The following SHOC2 variants were observed in gnomAD, a reference collection of about 807,000 sequenced individuals.
SHOC2 encodes SHOC2 leucine rich repeat scaffold protein, also known as leucine-rich repeat protein SHOC-2.
A neutral mutation model predicts 50.2 loss-of-function variants in SHOC2; 4 were observed. The ratio of observed to expected loss-of-function variants is 0.08; its 90% CI spans 0.04 to 0.18. The LOEUF (loss-of-function observed/expected upper bound fraction) is 0.18. SHOC2 is among the 10% of genes least tolerant of loss of function. The probability of loss-of-function intolerance (pLI) is 1.00; values close to 1 mark genes in which losing one functional copy is unlikely to be tolerated. For missense variants in SHOC2, 388 were observed against 669.6 expected, an observed-to-expected ratio of 0.58 and a Z score of 4.64; for synonymous variants, 218 against 244.5, an observed-to-expected ratio of 0.89 and a Z score of 1.01.
At chr10:110,950,712 T>A (rs952999017) in intron 1 of SHOC2, among the ~76,000 whole-genome samples, 1 of 152,136 alleles carries the variant, frequency 6.6e-6, no homozygotes, top group African/African-American at 2.4e-5. Context: ...TTATACCATG[T>A]GTACAATCAG....
intron 1 of SHOC2, among the ~76,000 whole-genome samples, chr10:110,961,035 C>A (rs971873375): frequency 2.0e-5 from 3 of 152,118 alleles, no homozygotes; most frequent in Non-Finnish European, 4.4e-5. Flanking sequence ...AGGGAGCTAA[C>A]ATATCAAGTG....
chr10:110,937,070 A>G, intron 1 of SHOC2: 2 of 1,478,808 alleles, frequency 1.4e-6, no homozygotes, highest in Non-Finnish European at 1.9e-6. Context: ...GAGGAAAGCC[A>G]AGTACTTCAA....
chr10:110,929,931 C>T (rs144833132), intron 1 of SHOC2, among the ~76,000 whole-genome samples: 94 of 152,226 alleles, frequency 6.2e-4, no homozygotes, highest in African/African-American at 2.2e-3. Context: ...AATAAAGTAT[C>T]CCTTTATGTA....
intron 3 of SHOC2, among the ~76,000 whole-genome samples, chr10:110,987,907 A>G (rs548476332): frequency 9.2e-5 from 14 of 152,296 alleles, no homozygotes; most frequent in Admixed American, 5.2e-4. Context: ...TCTCTAGGAT[A>G]AATTAAAAGT....
intron 3 of SHOC2, among the ~76,000 whole-genome samples, chr10:110,991,993 A>C (rs1004689099): frequency 6.6e-6 from 1 of 152,186 alleles, no homozygotes; most frequent in Non-Finnish European, 1.5e-5. Flanking sequence ...CTTGCCCTAA[A>C]CTTGTAACTG....
intron 6 of SHOC2, 40 bp downstream of exon 6, chr10:111,007,693 C>T (rs372600279): frequency 2.5e-6 from 4 of 1,602,578 alleles, no homozygotes; most frequent in Non-Finnish European, 3.4e-6. Flanking sequence ...CAGAACCTTC[C>T]ATACGTATCT....
rs539552844 is a variant in SHOC2, at chr10:110,940,910, GTTTTTTTTT to G, written c.-235+21283_-235+21291del. 1.2e-4 allele frequency among the ~76,000 whole-genome samples: 14 copies of G among 119,482 alleles called. 2 individuals carry two copies. In the South Asian group the frequency reaches 1.7e-3, roughly 14 times the overall value. 78.4% of individuals were successfully genotyped at this position (119,482 alleles called of 152,430 possible). The stretch of plus-strand genomic sequence containing the variant: ...GACAAAATAGTGGTATTTGTGGTGG[GTTTTTTTTT>G]TTTTTTTTTTTTTTTTTTTTTTTTT... On this transcript the variant is annotated intron_variant, in intron 1 of 8. Coordinates refer to ENST00000369452, the MANE Select transcript of SHOC2 (RefSeq NM_007373.4).
At chr10:110,945,646 G>C (rs1564707463) in intron 1 of SHOC2, among the ~76,000 whole-genome samples, 1 of 152,010 alleles carries the variant, frequency 6.6e-6, no homozygotes, top group Non-Finnish European at 1.5e-5. Context: ...ATCCCACACT[G>C]ACAGACCTCC....
intron 2 of SHOC2, among the ~76,000 whole-genome samples, chr10:110,973,448 AT>A (rs886783699): frequency 6.6e-6 from 1 of 151,618 alleles, no homozygotes. Flanking sequence ...TTTGTTAAGG[AT>A]TTTTTTTGTC....
chr10:110,921,667 C>T (rs1252755109), intron 1 of SHOC2, among the ~76,000 whole-genome samples: 1 of 152,092 alleles, frequency 6.6e-6, no homozygotes, highest in Non-Finnish European at 1.5e-5. Flanking sequence ...AGCATCTACC[C>T]TTTGTGATAC....
At chr10:110,936,183 G>T (rs1847006643) in intron 1 of SHOC2, among the ~76,000 whole-genome samples, 1 of 147,406 alleles carries the variant, frequency 6.8e-6, no homozygotes, top group South Asian at 2.1e-4. Flanking sequence ...TGCAACCTCC[G>T]CCTCCTGGGT....
chr10:111,000,548 A>G lies in SHOC2; in HGVS notation c.972+3A>G. 6.2e-7 allele frequency: 1 copy of G among 1,609,634 alleles called. No homozygotes were observed. The highest frequency in any genetic ancestry group is 8.5e-7 in the Non-Finnish European group (1 of 1,176,794). ...ATAACATTTCTACTTTACCAGAGGT[A>G]AGAAGTGGATTAGAGAAAACAAGAT... On this transcript the variant is annotated splice_donor_region_variant and intron_variant, in intron 4 of 8. Transcript: ENST00000369452.
intron 1 of SHOC2, among the ~76,000 whole-genome samples, chr10:110,932,544 G>T (rs143056940): frequency 2.0e-5 from 3 of 152,284 alleles, no homozygotes; most frequent in Non-Finnish European, 4.4e-5. Flanking sequence ...ATAAGATTTG[G>T]TGATTGTCAG....
At chr10:110,985,854 T>G (rs1848066733) in intron 3 of SHOC2, 89 bp downstream of exon 3, 1 of 1,150,356 alleles carries the variant, frequency 8.7e-7, no homozygotes, top group Non-Finnish European at 1.3e-6. Flanking sequence ...TAATGAAAAT[T>G]CAGGAGTAAA....
chr10:111,007,460 C>T (rs188332951), intron 5 of SHOC2, 71 bp from the exon 6 acceptor site: 8 of 1,514,152 alleles, frequency 5.3e-6, no homozygotes, highest in African/African-American at 4.1e-5. Flanking sequence ...ATTCTCTTTC[C>T]GAAGTGACAG....
intron 3 of SHOC2, among the ~76,000 whole-genome samples, chr10:110,993,835 A>G (rs1367535998): frequency 6.6e-6 from 1 of 152,202 alleles, no homozygotes; most frequent in Non-Finnish European, 1.5e-5. Context: ...AACCTTTGTT[A>G]CCACAGAAAG....
intron 1 of SHOC2, among the ~76,000 whole-genome samples, chr10:110,926,152 A>T (rs1359811340): frequency 3.3e-5 from 5 of 152,120 alleles, no homozygotes; most frequent in Admixed American, 3.3e-4. Context: ...AAGGTATCCT[A>T]GTGCTTTTAC....
chr10:110,954,433 C>A (rs1316572078), intron 1 of SHOC2, among the ~76,000 whole-genome samples: 1 of 152,132 alleles, frequency 6.6e-6, no homozygotes, highest in Non-Finnish European at 1.5e-5. Flanking sequence ...GGGGTAGTAT[C>A]AGCTAGCTTC....
At chr10:110,952,584 A>G (rs572648168) in intron 1 of SHOC2, among the ~76,000 whole-genome samples, 2 of 151,864 alleles carry the variant, frequency 1.3e-5, no homozygotes, top group Non-Finnish European at 2.9e-5. Context: ...TCCAGGATAC[A>G]TGTGCAGAAT....
Sources: gnomAD v4.1 joint callset for allele counts (sites outside exome capture counted in the v4.1 genomes callset) on GRCh38, gnomAD v4.1.1 for gene constraint, MANE v1.5 for transcripts, NCBI Gene and HGNC (gene_info 2026-07-23, HGNC 2026-07-21) for gene names.